Variants in POLH observed in about 807,000 individuals in gnomAD.
POLH encodes the protein DNA polymerase eta.
POLH carries 53 observed loss-of-function variants against 73.6 expected under a neutral mutation model. The observed-to-expected ratio is 0.72, with a 90% confidence interval of 0.58 to 0.91. The LOEUF is 0.91. Among genes scored for constraint, POLH ranks in the 40% least tolerant of loss-of-function variants. POLH has a pLI of 0.00. For missense variants in POLH, 768 were observed against 865.4 expected (o/e 0.89, Z 1.41); for synonymous variants, 292 against 308.5 (o/e 0.95, Z 0.56).
rs1230021771 is a variant in POLH, at chr6:43,619,914, T to C, written c.*5357T>C. ...AGAGGCAGAATGCCACATAGGACTT[T>C]GGGTCACATATTTCTTTTCCAGGGT... On this transcript the variant is annotated 3_prime_UTR_variant, in exon 11 of 11. Coordinates refer to ENST00000372236, the MANE Select transcript of POLH (RefSeq NM_006502.3). 1.3e-5 allele frequency among the ~76,000 whole-genome samples: 2 copies of C among 152,202 alleles called. No homozygotes were observed. The highest frequency in any genetic ancestry group is 2.9e-5 in the Non-Finnish European group (2 of 68,038).
Position 43,610,725 on chromosome 6 carries a change from T to C in POLH, c.1244+2T>C. On this transcript the variant is annotated splice_donor_variant, in intron 10 of 10. Transcript: ENST00000372236. LOFTEE classifies it high-confidence loss of function. ...TACTTCTGGAATCCAGACAGAATGG[T>C]GAGTTCTTTTCTAGCTCATCTTCTC... 1 of 1,608,716 alleles carries C rather than the reference T, an allele frequency of 6.2e-7. No individual in the cohort carries two copies. The highest frequency in any genetic ancestry group is 1.1e-5 in the South Asian group (1 of 90,862).
At chr6:43,600,473 A>G (rs112935642) in intron 5 of POLH, among the ~76,000 whole-genome samples, 3 of 152,128 alleles carry the variant, frequency 2.0e-5, no homozygotes, top group Non-Finnish European at 2.9e-5. Flanking sequence ...AGTGCTATTT[A>G]TAAGAAGGTG....
At chr6:43,596,657 G>A (rs1355225489) in intron 4 of POLH, among the ~76,000 whole-genome samples, 1 of 152,188 alleles carries the variant, frequency 6.6e-6, no homozygotes, top group East Asian at 1.9e-4. Flanking sequence ...TAGGGAGTTG[G>A]TTGGAAAGAA....
chr6:43,584,813 CACTT>C (rs1764625480), intron 3 of POLH, among the ~76,000 whole-genome samples: 1 of 152,116 alleles, frequency 6.6e-6, no homozygotes, highest in African/African-American at 2.4e-5. Flanking sequence ...CTCAGGAGAA[CACTT>C]ACTTATGTTT....
At chr6:43,580,638 C>T (rs1338696729) in intron 1 of POLH, among the ~76,000 whole-genome samples, 3 of 132,820 alleles carry the variant, frequency 2.3e-5, no homozygotes, top group Non-Finnish European at 4.9e-5. Context: ...CCTCACCTCC[C>T]GGACGGGGCG....
chr6:43,590,210 C>A (rs567526351), intron 4 of POLH, among the ~76,000 whole-genome samples: 18 of 151,930 alleles, frequency 1.2e-4, no homozygotes, highest in African/African-American at 3.9e-4. Flanking sequence ...TACAAAAAAA[C>A]TAGCTGGGCA....
At chr6:43,584,336 G>A (rs1008114726) in intron 3 of POLH, among the ~76,000 whole-genome samples, 1 of 152,092 alleles carries the variant, frequency 6.6e-6, no homozygotes, top group African/African-American at 2.4e-5. Context: ...AGGTAGAGTG[G>A]CATACAGACC....
chr6:43,594,257 AT>A (rs977444659), intron 4 of POLH, among the ~76,000 whole-genome samples: 35 of 152,302 alleles, frequency 2.3e-4, no homozygotes, highest in Middle Eastern at 6.8e-3. Context: ...AATTATTCAT[AT>A]TTTTGTTTCC....
chr6:43,604,577 T>C (rs746540672), intron 7 of POLH, 38 bp from the exon 8 acceptor site: 12 of 1,606,004 alleles, frequency 7.5e-6, no homozygotes, highest in Non-Finnish European at 1.7e-6. Context: ...AGAATAATCA[T>C]TTAATTTCAC....
intron 4 of POLH, among the ~76,000 whole-genome samples, chr6:43,597,050 TTAAA>T (rs1216359831): frequency 6.6e-6 from 1 of 152,212 alleles, no homozygotes; most frequent in Non-Finnish European, 1.5e-5. Flanking sequence ...GTTTAAGTGA[TTAAA>T]TATAGTAGGA....
chr6:43,586,448 T>C (rs935549223), intron 3 of POLH, among the ~76,000 whole-genome samples: 1 of 152,074 alleles, frequency 6.6e-6, no homozygotes, highest in African/African-American at 2.4e-5. Context: ...ACTATTGCAC[T>C]CCAGCCTGGG....
intron 10 of POLH, among the ~76,000 whole-genome samples, chr6:43,611,065 A>G (rs1385676161): frequency 6.6e-6 from 1 of 152,212 alleles, no homozygotes; most frequent in African/African-American, 2.4e-5. Flanking sequence ...CTCTACAAGT[A>G]GTAGGAATCT....
At chr6:43,611,850 G>A (rs941982480) in intron 10 of POLH, among the ~76,000 whole-genome samples, 17 of 152,070 alleles carry the variant, frequency 1.1e-4, no homozygotes, top group Non-Finnish European at 2.4e-4. Context: ...GAGGTCAGGA[G>A]TTCAAGAGCA....
chr6:43,601,162 G>T, intron 6 of POLH, 71 bp downstream of exon 6: 1 of 1,091,548 alleles, frequency 9.2e-7, no homozygotes, highest in Admixed American at 1.7e-5. Flanking sequence ...GTAGTTTCTT[G>T]TGTTACTAAT....
At chr6:43,590,144 G>A (rs945068013) in intron 4 of POLH, among the ~76,000 whole-genome samples, 1 of 151,702 alleles carries the variant, frequency 6.6e-6, no homozygotes, top group Non-Finnish European at 1.5e-5. Context: ...GGATCATGAG[G>A]TCAGGAGTTC....
chr6:43,594,473 A>G (rs1351752812), intron 4 of POLH, among the ~76,000 whole-genome samples: 2 of 152,214 alleles, frequency 1.3e-5, no homozygotes, highest in African/African-American at 4.8e-5. Flanking sequence ...CTGTAATCCC[A>G]GCACTTTGGG....
chr6:43,606,725 G>A (rs906024048), intron 9 of POLH, among the ~76,000 whole-genome samples: 3 of 152,006 alleles, frequency 2.0e-5, no homozygotes, highest in East Asian at 1.9e-4. Context: ...CACCGCACCC[G>A]GCAGTTTCTC....
chr6:43,620,456 G>C lies in POLH; in HGVS notation c.*5899G>C, dbSNP rs188520156. 2.2e-5 allele frequency: 8 copies of C among 366,216 alleles called. No individual in the cohort carries two copies. The highest frequency in any genetic ancestry group is 2.2e-4 in the East Asian group (3 of 13,806). 22.7% of individuals were successfully genotyped at this position (366,216 alleles called of 1,614,324 possible). On this transcript the variant is annotated 3_prime_UTR_variant, in exon 11 of 11. Coordinates refer to ENST00000372236, the MANE Select transcript of POLH (RefSeq NM_006502.3). ...CCTGAAGAGGTATCTAGCCCTGGAAGGAAGCTGAGCCTGTAGCTAACGCAT... is the reference window on the plus strand; with the variant it reads ...CCTGAAGAGGTATCTAGCCCTGGAACGAAGCTGAGCCTGTAGCTAACGCAT...
intron 1 of POLH, among the ~76,000 whole-genome samples, chr6:43,578,140 A>T (rs1348934840): frequency 3.3e-5 from 5 of 151,806 alleles, no homozygotes; most frequent in Admixed American, 3.3e-4. Context: ...TAATCCCAGC[A>T]CTTTGGGAGG....
Sources: gnomAD v4.1 joint callset for allele counts (sites outside exome capture counted in the v4.1 genomes callset) on GRCh38, gnomAD v4.1.1 for gene constraint, MANE v1.5 for transcripts, NCBI Gene and HGNC (gene_info 2026-07-23, HGNC 2026-07-21) for gene names.